The following LRP1B variants were observed in gnomAD, a reference collection of about 807,000 sequenced individuals.
LRP1B encodes low-density lipoprotein receptor-related protein 1B.
Under a neutral mutation model 556.6 loss-of-function variants are expected in LRP1B, and 217 were observed. That is an observed-to-expected ratio of 0.39 (90% CI 0.35 to 0.44). The LOEUF (loss-of-function observed/expected upper bound fraction) is 0.44. Ranked by LOEUF, LRP1B falls within the 20% of genes least tolerant of loss-of-function variation. LRP1B has a pLI of 1.00. For synonymous variants in LRP1B, 2,047 were observed against 1,865.8 expected (o/e 1.10, Z -2.50); for missense variants, 5,053 against 5,620.8 (o/e 0.90, Z 3.23).
intron 3 of LRP1B, among the ~76,000 whole-genome samples, chr2:141,362,859 TG>T (rs1302321417): frequency 6.6e-6 from 1 of 152,126 alleles, no homozygotes; most frequent in African/African-American, 2.4e-5. Context: ...TGTTTCATCT[TG>T]GTATGTATTT....
At chr2:141,168,778 T>C (rs1330184734) in intron 7 of LRP1B, among the ~76,000 whole-genome samples, 1 of 152,058 alleles carries the variant, frequency 6.6e-6, no homozygotes, top group African/African-American at 2.4e-5. Context: ...TAGCAAGTAC[T>C]TTACTCTTCC....
intron 7 of LRP1B, among the ~76,000 whole-genome samples, chr2:141,092,308 A>G (rs1480393776): frequency 6.6e-6 from 1 of 152,206 alleles, no homozygotes; most frequent in African/African-American, 2.4e-5. Flanking sequence ...TAATTTGCTG[A>G]TTTATTGGAT....
chr2:141,087,649 T>G (rs947720500), intron 7 of LRP1B, among the ~76,000 whole-genome samples: 1 of 152,238 alleles, frequency 6.6e-6, no homozygotes, highest in Admixed American at 6.5e-5. Flanking sequence ...GTACTCAAGA[T>G]GAACATGGCT....
rs1695327159 is a variant in LRP1B, at chr2:140,939,403, T to C, written c.3136+10832A>G. Among the ~76,000 whole-genome samples the C allele has an allele frequency of 3.3e-5, 5 of 151,060 alleles. No homozygotes were observed. In the South Asian group the frequency reaches 1.0e-3, roughly 31 times the overall value. On this transcript the variant is annotated intron_variant, in intron 20 of 90. Transcript: ENST00000389484. Reference sequence around the variant, plus strand: ...ACAGAAGAATAAGAGCATGTGTGAGTATGTATATTAATCATATTACACAAT... The same window carrying C: ...ACAGAAGAATAAGAGCATGTGTGAGCATGTATATTAATCATATTACACAAT...
At chr2:140,656,416 T>C (rs913693102) in intron 41 of LRP1B, among the ~76,000 whole-genome samples, 3 of 152,200 alleles carry the variant, frequency 2.0e-5, no homozygotes, top group African/African-American at 7.2e-5. Context: ...GTAAGTATGA[T>C]TGATAATGCC....
intron 77 of LRP1B, among the ~76,000 whole-genome samples, chr2:140,340,200 C>A (rs1396850706): frequency 6.6e-6 from 1 of 151,286 alleles, no homozygotes; most frequent in East Asian, 2.0e-4. Context: ...ACAAAGATAT[C>A]ACAGATGATT....
intron 41 of LRP1B, among the ~76,000 whole-genome samples, chr2:140,603,405 A>T (rs912077212): frequency 3.3e-5 from 5 of 152,118 alleles, no homozygotes; most frequent in African/African-American, 1.2e-4. Flanking sequence ...TAAACTTCCA[A>T]ATCATTTCAG....
chr2:140,883,901 G>A lies in LRP1B; in HGVS notation c.4085C>T (p.Ala1362Val), dbSNP rs1187018129. 3 of 1,613,578 alleles carry A rather than the reference G, an allele frequency of 1.9e-6. No individual in the cohort carries two copies. Among genetic ancestry groups the A allele is most frequent in the Admixed American group, 1.7e-5 (1 of 59,950 alleles). Residue 1362 changes from alanine to valine, a missense_variant, in exon 25 of 91, where the codon GCC becomes GTC. This residue lies in a region of LRP1B where 3,619 missense variants were observed against 3,931.9 expected (regional missense o/e 0.92). Transcript: ENST00000389484. ...IDSNLDQIEV[A>V]KLDGSLRTTL... is the part of the protein sequence containing the mutation. ...AGTTCTTAGGGAGCCATCTAGTTTG[G>A]CCACTTCGATTTGGTCCAGATTGCT...
intron 50 of LRP1B, among the ~76,000 whole-genome samples, chr2:140,516,301 C>A (rs1353617499): frequency 1.3e-5 from 2 of 151,832 alleles, no homozygotes; most frequent in Middle Eastern, 3.4e-3. Context: ...AAATATAATA[C>A]AAATAAAAAC....
chr2:140,575,846 C>T (rs1370393937), intron 43 of LRP1B, among the ~76,000 whole-genome samples: 1 of 151,752 alleles, frequency 6.6e-6, no homozygotes, highest in Non-Finnish European at 1.5e-5. Context: ...TGCTTGAACC[C>T]TGAAGGTGGA....
At chr2:140,291,070 T>G (rs191078788) in intron 84 of LRP1B, among the ~76,000 whole-genome samples, 13 of 151,882 alleles carry the variant, frequency 8.6e-5, no homozygotes, top group African/African-American at 2.9e-4. Context: ...TAATGTGTCA[T>G]AGCAACGTCT....
chr2:140,277,859 C>T (rs1315046448), intron 84 of LRP1B, among the ~76,000 whole-genome samples: 1 of 151,870 alleles, frequency 6.6e-6, no homozygotes, highest in Non-Finnish European at 1.5e-5. Context: ...CACCTTATGA[C>T]CTAGCACTTC....
chr2:141,479,366 A>G (rs781767270), intron 3 of LRP1B, among the ~76,000 whole-genome samples: 6 of 152,170 alleles, frequency 3.9e-5, no homozygotes, highest in Non-Finnish European at 8.8e-5. Flanking sequence ...CTTTAAACGT[A>G]TACATATTTG....
At chr2:140,763,379 A>G (rs1204236546) in intron 35 of LRP1B, among the ~76,000 whole-genome samples, 2 of 152,090 alleles carry the variant, frequency 1.3e-5, no homozygotes, top group South Asian at 2.1e-4. Flanking sequence ...GGCAGCACAA[A>G]GTAACTCAGG....
At chr2:140,263,188 G>T (rs1011429399) in intron 86 of LRP1B, among the ~76,000 whole-genome samples, 1 of 152,050 alleles carries the variant, frequency 6.6e-6, no homozygotes. Flanking sequence ...CAAAGTGCTG[G>T]GGTTACAGGC....
chr2:141,683,033 C>A (rs1405398759), intron 2 of LRP1B, among the ~76,000 whole-genome samples: 1 of 152,080 alleles, frequency 6.6e-6, no homozygotes, highest in East Asian at 1.9e-4. Context: ...TGCTGGCAGG[C>A]TCTAGAAGCT....
intron 2 of LRP1B, among the ~76,000 whole-genome samples, chr2:141,795,038 T>G (rs551064678): frequency 1.3e-5 from 2 of 152,188 alleles, no homozygotes; most frequent in East Asian, 3.9e-4. Context: ...TAAATGTAAA[T>G]TGTATTAATT....
chr2:140,997,223 G>A (rs942532636), intron 15 of LRP1B, among the ~76,000 whole-genome samples: 52 of 152,026 alleles, frequency 3.4e-4, no homozygotes, highest in African/African-American at 1.2e-3. Context: ...GGTACCTGCT[G>A]TGAGAACAAT....
At chr2:140,920,089 C>T (rs916485550) in intron 21 of LRP1B, among the ~76,000 whole-genome samples, 1 of 151,972 alleles carries the variant, frequency 6.6e-6, no homozygotes, top group African/African-American at 2.4e-5. Flanking sequence ...TTTCCCGGTA[C>T]CTTGCGATCA....
Sources: allele counts gnomAD v4.1 joint callset (sites outside exome capture counted in the v4.1 genomes callset), GRCh38; gene constraint gnomAD v4.1.1; regional missense constraint gnomAD v4.1.1; transcripts MANE v1.5; gene names NCBI Gene and HGNC (gene_info 2026-07-23, HGNC 2026-07-21).